Variants in TBC1D9B observed in about 807,000 individuals in gnomAD.
The protein encoded by TBC1D9B is TBC1 domain family member 9B, also known as TBC1 domain family, member 9B (with GRAM domain).
Under a neutral mutation model 121.1 loss-of-function variants are expected in TBC1D9B, and 87 were observed. The observed-to-expected ratio is 0.72, with a 90% CI of 0.60 to 0.86. The LOEUF (loss-of-function observed/expected upper bound fraction) is 0.86, where lower values mean the gene tolerates loss of function less well. TBC1D9B is among the 40% of genes least tolerant of loss of function. The pLI is 0.00. For missense variants in TBC1D9B, 1,540 were observed against 1,628.6 expected, an observed-to-expected ratio of 0.95 and a Z score of 0.94; for synonymous variants, 668 against 670.1, an observed-to-expected ratio of 1.00 and a Z score of 0.05.
rs1761252559 is a variant in TBC1D9B, at chr5:179,904,440, T to C, written c.229+262A>G. On this transcript the variant is annotated intron_variant, in intron 2 of 20. Transcript: ENST00000355235. This position sits in a 1 kb window ranked among gnomAD's most constrained non-coding sequence, Gnocchi z 4.2. The stretch of plus-strand genomic sequence containing the variant: ...CGTGGTTTCACCGTGTTAGCCAGGA[T>C]GGTCTCGATCTCCTGACCTCGTGAT... 6.6e-6 allele frequency among the ~76,000 whole-genome samples: 1 copy of C among 152,086 alleles called. No homozygotes were observed.
rs763950144 is a variant in TBC1D9B at position 179,872,995 on chromosome 5, A to T, written c.2317-5T>A. On this transcript the variant is annotated splice_polypyrimidine_tract_variant and splice_region_variant and intron_variant, in intron 13 of 20. Coordinates refer to ENST00000355235, the MANE Select transcript of TBC1D9B (RefSeq NM_015043.4). ...GGCCCTCAGGCTGCTGAATTTCTATAGGGAGAGGTGACTTGGTGAGATCAA... is the reference window on the plus strand; with the variant it reads ...GGCCCTCAGGCTGCTGAATTTCTATTGGGAGAGGTGACTTGGTGAGATCAA... 1.4e-5 allele frequency: 22 copies of T among 1,613,886 alleles called. No homozygotes were observed. The South Asian group carries it at 2.0e-4, about 14-fold the overall frequency.
At chr5:179,888,445 C>T (rs1337894628) in intron 6 of TBC1D9B, 133 bp from the exon 7 acceptor site, 2 of 930,338 alleles carry the variant, frequency 2.1e-6, no homozygotes, top group South Asian at 1.5e-5. Context: ...ACTGTCCTCA[C>T]ATTCTGACTC....
intron 17 of TBC1D9B, chr5:179,869,492 T>C (rs1207931029): frequency 3.2e-6 from 2 of 623,984 alleles, no homozygotes. Flanking sequence ...TCCTAGTGGG[T>C]TTTGGGTCCA....
Position 179,891,554 on chromosome 5 carries a change from T to C in TBC1D9B, c.869A>G (p.Tyr290Cys). ...CCTGGGCAGCCGGAACGTGGCTCGGTAGCACTCATTCTTGGCTCGGGCGTC... is the reference window on the plus strand; with the variant it reads ...CCTGGGCAGCCGGAACGTGGCTCGGCAGCACTCATTCTTGGCTCGGGCGTC... ...DLDARAKNECYRATFRLPRDE... is the reference protein window; with the variant it reads ...DLDARAKNECCRATFRLPRDE... The change falls in exon 6 of 21, where the codon TAC becomes TGC. Residue 290 changes from tyrosine to cysteine, a missense_variant. By Grantham distance (194) the Tyr-to-Cys change is radical. Coordinates refer to ENST00000355235, the MANE Select transcript of TBC1D9B (RefSeq NM_015043.4). This position sits in a 1 kb window ranked among gnomAD's most constrained non-coding sequence, Gnocchi z 4.3. 1 of 1,613,744 alleles carries C rather than the reference T, an allele frequency of 6.2e-7. No homozygotes were observed. Among genetic ancestry groups the C allele is most frequent in the South Asian group, 1.1e-5 (1 of 91,068 alleles).
At position 179,877,664 on chromosome 5, in the gene TBC1D9B, C is replaced by CAAAAAAAAAAA. The variant is rs564753950; in HGVS notation, c.1782+634_1782+644dup. On this transcript the variant is annotated intron_variant, in intron 10 of 20. Transcript: ENST00000355235. ...GGGAAACAAGAGTGAGATTCTATCT[C>CAAAAAAAAAAA]AAAAAAAAAAAAAAAAAAAGAAAAG... 1.8e-4 allele frequency among the ~76,000 whole-genome samples: 12 copies of CAAAAAAAAAAA among 66,598 alleles called. No individual in the cohort carries two copies. In the South Asian group the frequency reaches 1.9e-3, roughly 10 times the overall value. The allele number at this position is 66,598 out of a possible 152,430, so 43.7% of individuals were successfully genotyped here.
chr5:179,865,523 C>T lies in TBC1D9B; in HGVS notation c.2915-163G>A, dbSNP rs1759983656. On this transcript the variant is annotated intron_variant, in intron 19 of 20. Transcript: ENST00000355235. This position sits in a 1 kb window ranked among gnomAD's most constrained non-coding sequence, Gnocchi z 5.1. ...GTGGTCATGGGAAAAAAACCCAGAA[C>T]AGCCACAGGTTTTCCCTAAATTGCT... 2 of 678,148 alleles carry T rather than the reference C, an allele frequency of 2.9e-6. No homozygotes were observed. Among genetic ancestry groups the T allele is most frequent in the Admixed American group, 2.6e-5 (1 of 38,414 alleles). 42.0% of individuals were successfully genotyped at this position (678,148 alleles called of 1,614,324 possible). A position where few individuals can be genotyped will look rare whatever the true frequency, so the allele number is the denominator to read the frequency against.
chr5:179,869,622 C>T (rs567036637), intron 17 of TBC1D9B, 147 bp downstream of exon 17: 9 of 867,284 alleles, frequency 1.0e-5, no homozygotes, highest in East Asian at 5.3e-5. Flanking sequence ...CTCAAGCTCC[C>T]GCTCCCTCTC....
At position 179,870,336 on chromosome 5, in the gene TBC1D9B, G is replaced by C. The variant is rs749138539; in HGVS notation, c.2644C>G (p.Leu882Val). The part of the protein sequence containing the change: ...TPWACGSHTP[L>V]LAGRMFRLLD... Reference sequence around the variant, plus strand: ...AGCCTGAACATGCGCCCTGCCAGCAGAGGTGTGTGGGAGCCACAGGCCCAG... The same window carrying C: ...AGCCTGAACATGCGCCCTGCCAGCACAGGTGTGTGGGAGCCACAGGCCCAG... Residue 882 changes from leucine to valine, a missense_variant, in exon 16 of 21, where the codon CTG becomes GTG. Transcript: ENST00000355235. 2 of 1,613,894 alleles carry C rather than the reference G, an allele frequency of 1.2e-6. No individual in the cohort carries two copies. Among genetic ancestry groups the C allele is most frequent in the African/African-American group, 2.7e-5 (2 of 75,062 alleles).
Position 179,872,962 on chromosome 5 carries a change from A to G in TBC1D9B, c.2345T>C (p.Ile782Thr). The change falls in exon 14 of 21, where the codon ATT becomes ACT. Residue 782 changes from isoleucine to threonine, a missense_variant. Coordinates refer to ENST00000355235, the MANE Select transcript of TBC1D9B (RefSeq NM_015043.4). ...CCTCTGTTTAAACCGCATCTGCTCA[A>G]TGTCTTCGGCCCTCAGGCTGCTGAA... Reference protein sequence around the residue: ...EKFSSLRAEDIEQMRFKQRLK... With the variant: ...EKFSSLRAEDTEQMRFKQRLK... 1.2e-6 allele frequency: 2 copies of G among 1,613,978 alleles called. No individual in the cohort carries two copies. The highest frequency in any genetic ancestry group is 1.7e-6 in the Non-Finnish European group (2 of 1,180,002).
Position 179,869,779 on chromosome 5 carries a change from G to A in TBC1D9B, c.2781C>T (p.His927=), listed in dbSNP as rs201165119. The change falls in exon 17 of 21, where the codon CAC becomes CAT. Residue 927 remains histidine (H), a synonymous_variant. Coordinates refer to ENST00000355235, the MANE Select transcript of TBC1D9B (RefSeq NM_015043.4). ...TEKLKVLYKL[H]LPPALSPEEA... ...GCAGGAGGCTCTCACCTGGGGGAAG[G>A]TGTAGCTTGTAGAGCACCTTGAGCT... 1.0e-5 allele frequency: 16 copies of A among 1,605,646 alleles called. 1 individual carries two copies. In the East Asian group the frequency reaches 3.6e-4, roughly 36 times the overall value.
Position 179,878,417 on chromosome 5 carries a change from G to A in TBC1D9B, c.1674C>T (p.His558=), listed in dbSNP as rs781161929. 1 of 1,613,602 alleles carries A rather than the reference G, an allele frequency of 6.2e-7. No homozygotes were observed. Among genetic ancestry groups the A allele is most frequent in the South Asian group, 1.1e-5 (1 of 90,868 alleles). ...AGGCAGGGTGCTCGGGCATGGAGCG[G>A]TGCAGGTCTCGCTCGATCTCCTCTG... is the stretch of plus-strand genomic sequence containing the variant. ...LATEEIERDL[H]RSMPEHPAFQ... Residue 558 remains histidine (H), a synonymous_variant, in exon 10 of 21, where the codon CAC becomes CAT. Transcript: ENST00000355235.
Position 179,894,624 on chromosome 5 carries a change from G to A in TBC1D9B, c.349-10C>T. On this transcript the variant is annotated splice_polypyrimidine_tract_variant and intron_variant, in intron 3 of 20. Coordinates refer to ENST00000355235, the MANE Select transcript of TBC1D9B (RefSeq NM_015043.4). The stretch of plus-strand genomic sequence containing the variant: ...CTTCTGCGATGATTCCCTGGAGGAA[G>A]GCAAGAGGACAAGGGCTTGCCCTGC... The A allele has an allele frequency of 6.2e-7, 1 of 1,614,056 alleles. No individual in the cohort carries two copies. The highest frequency in any genetic ancestry group is 8.5e-7 in the Non-Finnish European group (1 of 1,179,956).
chr5:179,865,454 G>A lies in TBC1D9B; in HGVS notation c.2915-94C>T. 1 of 1,189,508 alleles carries A rather than the reference G, an allele frequency of 8.4e-7. No homozygotes were observed. The highest frequency in any genetic ancestry group is 1.2e-6 in the Non-Finnish European group (1 of 800,930). 73.7% of individuals were successfully genotyped at this position (1,189,508 alleles called of 1,614,324 possible). ...GAAGAGTTGGGTGTTTTCTGGCATGGAGTTACCAGGGCCCTATCATAAAAC... is the reference window on the plus strand; with the variant it reads ...GAAGAGTTGGGTGTTTTCTGGCATGAAGTTACCAGGGCCCTATCATAAAAC... On this transcript the variant is annotated intron_variant, in intron 19 of 20. Transcript: ENST00000355235. The surrounding 1 kb of genome is among the most constrained non-coding windows in gnomAD (Gnocchi z 5.1).
chr5:179,862,142 T>C lies in TBC1D9B; in HGVS notation c.*1306A>G. On this transcript the variant is annotated 3_prime_UTR_variant, in exon 21 of 21. Coordinates refer to ENST00000355235, the MANE Select transcript of TBC1D9B (RefSeq NM_015043.4). The stretch of plus-strand genomic sequence containing the variant: ...TCTTAAGGTGCCTAATTCATAAACT[T>C]AATCACAGGTATGTATGCATAGGAA... The C allele has an allele frequency of 1.2e-5, 2 of 169,554 alleles. No homozygotes were observed. The highest frequency in any genetic ancestry group is 1.1e-4 in the Admixed American group (2 of 17,906). 10.5% of individuals were successfully genotyped at this position (169,554 alleles called of 1,614,324 possible). A position where few individuals can be genotyped will look rare whatever the true frequency, so the allele number is the denominator to read the frequency against.
intron 10 of TBC1D9B, among the ~76,000 whole-genome samples, chr5:179,877,052 CAGA>C (rs140318372): frequency 2.3e-3 from 253 of 111,366 alleles, no homozygotes; most frequent in African/African-American, 8.9e-3. Context: ...GTGTGGGCAA[CAGA>C]AGGAGATCCT....
Position 179,863,857 on chromosome 5 carries a change from G to A in TBC1D9B, c.3293C>T (p.Thr1098Ile). 1 of 1,613,326 alleles carries A rather than the reference G, an allele frequency of 6.2e-7. No individual in the cohort carries two copies. Among genetic ancestry groups the A allele is most frequent in the Non-Finnish European group, 8.5e-7 (1 of 1,179,658 alleles). ...GDPQAKAGGD[T>I]HLGKAPQESQ... is the part of the protein sequence containing the mutation. ...CTCCTGTGGGGCTTTTCCGAGGTGT[G>A]TGTCTCCGCCTGCTTTGGCTTGGGG... The change falls in exon 21 of 21, where the codon ACA becomes ATA. Residue 1098 changes from threonine to isoleucine, a missense_variant. Coordinates refer to ENST00000355235, the MANE Select transcript of TBC1D9B (RefSeq NM_015043.4). This position sits in a 1 kb window ranked among gnomAD's most constrained non-coding sequence, Gnocchi z 4.5.
chr5:179,904,220 CTTTT>C lies in TBC1D9B; in HGVS notation c.229+478_229+481del, dbSNP rs550418299. Among the ~76,000 whole-genome samples, 9 of 80,896 alleles carry C rather than the reference CTTTT, an allele frequency of 1.1e-4. No homozygotes were observed. The highest frequency in any genetic ancestry group is 3.0e-4 in the African/African-American group (6 of 19,972). 53.1% of individuals were successfully genotyped at this position (80,896 alleles called of 152,430 possible). On this transcript the variant is annotated intron_variant, in intron 2 of 20. Transcript: ENST00000355235. This position sits in a 1 kb window ranked among gnomAD's most constrained non-coding sequence, Gnocchi z 4.2. ...CTGTCCCCATGACCAGTGGAGCTGCCTTTTTTTTTTTTTTTTTTTTTTGAGACGG... is the reference window on the plus strand; with the variant it reads ...CTGTCCCCATGACCAGTGGAGCTGCCTTTTTTTTTTTTTTTTTTGAGACGG...
chr5:179,899,841 C>G (rs1355680714), intron 2 of TBC1D9B, among the ~76,000 whole-genome samples: 1 of 152,166 alleles, frequency 6.6e-6, no homozygotes, highest in East Asian at 1.9e-4. Context: ...CTGTCCCTCT[C>G]TTCAGTTTCT....
At chr5:179,897,915 A>T (rs569670471) in intron 3 of TBC1D9B, among the ~76,000 whole-genome samples, 22 of 152,342 alleles carry the variant, frequency 1.4e-4, no homozygotes, top group African/African-American at 5.3e-4. Context: ...TGGTATCAGG[A>T]ATTCACATGG....
Sources: allele counts gnomAD v4.1 joint callset (sites outside exome capture counted in the v4.1 genomes callset), GRCh38; gene constraint gnomAD v4.1.1; non-coding constraint Gnocchi (gnomAD v3.1); transcripts MANE v1.5; gene names NCBI Gene and HGNC (gene_info 2026-07-23, HGNC 2026-07-21).